The following ERBB4 variants were observed in gnomAD, a reference collection of about 807,000 sequenced individuals.
ERBB4 encodes the protein erb-b2 receptor tyrosine kinase 4, also known as receptor tyrosine-protein kinase erbB-4.
Under a neutral mutation model 158.0 loss-of-function variants are expected in ERBB4, and 42 were observed. The observed-to-expected ratio is 0.27, with a 90% confidence interval of 0.21 to 0.34. ERBB4 has a LOEUF of 0.34. ERBB4 is among the 10% of genes least tolerant of loss of function. The probability of loss-of-function intolerance (pLI) is 1.00; values close to 1 mark genes in which losing one functional copy is unlikely to be tolerated. For synonymous variants in ERBB4, 583 were observed against 558.7 expected, an observed-to-expected ratio of 1.04 and a Z score of -0.61; for missense variants, 1,333 against 1,624.1, an observed-to-expected ratio of 0.82 and a Z score of 3.08.
intron 14 of ERBB4, among the ~76,000 whole-genome samples, chr2:211,667,925 T>C (rs2071690619): frequency 6.6e-6 from 1 of 152,198 alleles, no homozygotes; most frequent in South Asian, 2.1e-4. Context: ...CATGTGACAC[T>C]TAATGACCGG....
chr2:212,536,556 C>A (rs934892474), intron 1 of ERBB4, among the ~76,000 whole-genome samples: 5 of 152,276 alleles, frequency 3.3e-5, no homozygotes, highest in Admixed American at 3.3e-4. Flanking sequence ...AATGGGCTCA[C>A]TTGTGGGTCT....
chr2:211,635,186 G>A (rs371181515), intron 16 of ERBB4, among the ~76,000 whole-genome samples: 7 of 152,252 alleles, frequency 4.6e-5, no homozygotes, highest in African/African-American at 1.4e-4. Context: ...TCCAAGCTTA[G>A]ACTAAAAGGA....
At chr2:211,559,968 G>A (rs566772705) in intron 20 of ERBB4, among the ~76,000 whole-genome samples, 2 of 152,268 alleles carry the variant, frequency 1.3e-5, no homozygotes, top group Admixed American at 6.5e-5. Flanking sequence ...CTCCAGAGAA[G>A]GGTTGACTAG....
intron 25 of ERBB4, 48 bp from the exon 26 acceptor site, chr2:211,388,040 G>T: frequency 2.2e-6 from 3 of 1,344,726 alleles, no homozygotes; most frequent in Non-Finnish European, 3.2e-6. Flanking sequence ...GAGGCAATAT[G>T]AATGAAAAAA....
chr2:211,876,509 C>T (rs968533393), intron 3 of ERBB4, among the ~76,000 whole-genome samples: 4 of 151,990 alleles, frequency 2.6e-5, no homozygotes, highest in South Asian at 2.1e-4. Flanking sequence ...GATACTTTTC[C>T]CTCATGAATG....
chr2:211,476,951 T>C lies in ERBB4; in HGVS notation c.2488-45851A>G, dbSNP rs536113368. ...GAGTGCAGGGAGGGATAAACCTATA[T>C]GTGATGGCTAATTTTGTGTGTCAAC... On this transcript the variant is annotated intron_variant, in intron 20 of 27. Transcript: ENST00000342788. 9.9e-5 allele frequency among the ~76,000 whole-genome samples: 15 copies of C among 152,222 alleles called. No individual in the cohort carries two copies. In the East Asian group the frequency reaches 2.5e-3, roughly 26 times the overall value.
intron 12 of ERBB4, among the ~76,000 whole-genome samples, chr2:211,699,908 C>T (rs2073169233): frequency 6.6e-6 from 1 of 151,936 alleles, no homozygotes; most frequent in South Asian, 2.1e-4. Context: ...TCTTGCTTCC[C>T]TACATTTATT....
intron 20 of ERBB4, among the ~76,000 whole-genome samples, chr2:211,498,306 A>G (rs1220368833): frequency 6.6e-6 from 1 of 152,062 alleles, no homozygotes; most frequent in Non-Finnish European, 1.5e-5. Context: ...AACACCCCTA[A>G]AGGATACAGA....
At chr2:211,439,941 T>C (rs977738028) in intron 20 of ERBB4, among the ~76,000 whole-genome samples, 2 of 152,156 alleles carry the variant, frequency 1.3e-5, no homozygotes, top group East Asian at 1.9e-4. Context: ...TTCTTGCTCC[T>C]TACATTTTCT....
chr2:211,446,198 T>C (rs1392834142), intron 20 of ERBB4, among the ~76,000 whole-genome samples: 3 of 152,150 alleles, frequency 2.0e-5, no homozygotes, highest in Non-Finnish European at 2.9e-5. Flanking sequence ...CAGGTGTCCA[T>C]GTAGAGTGGG....
intron 20 of ERBB4, among the ~76,000 whole-genome samples, chr2:211,531,265 A>G (rs1350988032): frequency 6.6e-6 from 1 of 152,130 alleles, no homozygotes; most frequent in Non-Finnish European, 1.5e-5. Context: ...GCAGAGATTT[A>G]TTGAGTAATA....
At chr2:212,538,218 T>A (rs376645644) in intron 1 of ERBB4, among the ~76,000 whole-genome samples, 39 of 148,678 alleles carry the variant, frequency 2.6e-4, no homozygotes, top group African/African-American at 9.4e-4. Context: ...AGCAGGGGGT[T>A]AAGGAGAGAA....
chr2:211,650,588 T>C (rs2070944972), intron 16 of ERBB4, among the ~76,000 whole-genome samples: 1 of 152,134 alleles, frequency 6.6e-6, no homozygotes, highest in East Asian at 1.9e-4. Context: ...TCTGTGAATA[T>C]GCAATATCAT....
chr2:212,533,564 G>T (rs1692872061), intron 1 of ERBB4, among the ~76,000 whole-genome samples: 1 of 152,064 alleles, frequency 6.6e-6, no homozygotes, highest in South Asian at 2.1e-4. Flanking sequence ...AAGACATACA[G>T]TTTCAGGAAA....
intron 5 of ERBB4, 88 bp from the exon 6 acceptor site, chr2:211,725,282 T>C: frequency 1.0e-6 from 1 of 960,424 alleles, no homozygotes; most frequent in African/African-American, 1.6e-5. Context: ...TTTCTCACCC[T>C]GTCTTTGACT....
Position 211,384,011 on chromosome 2 carries a change from A to AT in ERBB4, c.3530dup (p.Asn1177LysfsTer9). The AT allele has an allele frequency of 6.2e-7, 1 of 1,613,956 alleles. No individual in the cohort carries two copies. Among genetic ancestry groups the AT allele is most frequent in the East Asian group, 2.2e-5 (1 of 44,860 alleles). ...GATTATCCAATGCTTGAAGGTCTCC[A>AT]TTTTTTCTCCGAGAAACAAAAGGGT... On this transcript the variant is annotated frameshift_variant, in exon 28 of 28. Transcript: ENST00000342788. LOFTEE classifies it high-confidence loss of function.
intron 20 of ERBB4, among the ~76,000 whole-genome samples, chr2:211,529,471 G>C (rs1323431790): frequency 6.6e-6 from 1 of 152,058 alleles, no homozygotes; most frequent in Non-Finnish European, 1.5e-5. Context: ...AAAACTGCAG[G>C]AGGAGGGAAT....
chr2:211,758,047 T>C (rs1180620332), intron 4 of ERBB4, among the ~76,000 whole-genome samples: 1 of 152,200 alleles, frequency 6.6e-6, no homozygotes, highest in Non-Finnish European at 1.5e-5. Flanking sequence ...AAAAGAAAAA[T>C]TGATGATAAT....
intron 2 of ERBB4, among the ~76,000 whole-genome samples, chr2:211,961,257 A>C (rs1175862791): frequency 6.6e-6 from 1 of 151,942 alleles, no homozygotes; most frequent in Non-Finnish European, 1.5e-5. Context: ...TTTTTTTTCC[A>C]AGAATGTTTG....
Sources: gnomAD v4.1 joint callset for allele counts (sites outside exome capture counted in the v4.1 genomes callset) on GRCh38, gnomAD v4.1.1 for gene constraint, MANE v1.5 for transcripts, NCBI Gene and HGNC (gene_info 2026-07-23, HGNC 2026-07-21) for gene names.